ZP3: variants seen among roughly 807,000 people sequenced by gnomAD.
ZP3 encodes zona pellucida sperm-binding protein 3.
A neutral mutation model predicts 35.6 loss-of-function variants in ZP3; 21 were observed. That is an observed-to-expected ratio of 0.59 (90% confidence interval 0.42 to 0.85). The LOEUF (loss-of-function observed/expected upper bound fraction) is 0.85, where lower values mean the gene tolerates loss of function less well. Ranked by LOEUF, ZP3 falls within the 40% of genes least tolerant of loss-of-function variation. ZP3 has a pLI of 0.00. For synonymous variants in ZP3, 207 were observed against 214.5 expected (o/e 0.96, Z 0.31); for missense variants, 437 against 536.5 (o/e 0.81, Z 1.83).
At position 76,425,169 on chromosome 7, in the gene ZP3, G is replaced by A; in HGVS notation, c.205G>A (p.Ala69Thr). 6.2e-7 allele frequency: 1 copy of A among 1,614,014 alleles called. No individual in the cohort carries two copies. Among genetic ancestry groups the A allele is most frequent in the South Asian group, 1.1e-5 (1 of 91,074 alleles). Residue 69 changes from alanine to threonine, a missense_variant, in exon 1 of 8, where the codon GCT (alanine) becomes ACT (threonine). Coordinates refer to ENST00000394857, the MANE Select transcript of ZP3 (RefSeq NM_001110354.2). ...TGGCACCGGGAAGCTCATCAGGGCT[G>A]CTGACCTCACCTTGGGCCCAGAGGC... The part of the protein sequence containing the change: ...LFGTGKLIRA[A>T]DLTLGPEACE...
At chr7:76,424,155 C>G (rs1805586143), upstream of ZP3, among the ~76,000 whole-genome samples, 1 of 152,138 alleles carries the variant, frequency 6.6e-6, no homozygotes, top group Non-Finnish European at 1.5e-5. Context: ...CAATCAAGGG[C>G]TTTCTCCTGT....
intron 1 of ZP3, among the ~76,000 whole-genome samples, chr7:76,414,558 G>A (rs1455927570): frequency 6.6e-6 from 1 of 151,482 alleles, no homozygotes; most frequent in Non-Finnish European, 1.5e-5. Context: ...CTTCTTCAAC[G>A]CTTCCGCTCC....
intron 1 of ZP3, 45 bp downstream of exon 1, chr7:76,425,321 G>A: frequency 6.4e-7 from 1 of 1,561,316 alleles, no homozygotes; most frequent in Non-Finnish European, 8.7e-7. Context: ...GGATGTTCGA[G>A]GCAGCCGGGT....
Position 76,441,986 on chromosome 7 carries a change from T to C in ZP3, c.1205T>C (p.Leu402Pro). 3.2e-6 allele frequency: 4 copies of C among 1,268,072 alleles called. No individual in the cohort carries two copies. Among genetic ancestry groups the C allele is most frequent in the Non-Finnish European group, 4.5e-6 (4 of 880,780 alleles). The allele number at this position is 1,268,072 out of a possible 1,614,324, so 78.6% of individuals were successfully genotyped here. A position where few individuals can be genotyped will look rare whatever the true frequency, so the allele number is the denominator to read the frequency against. The change falls in exon 8 of 8, where the codon CTG becomes CCG. Residue 402 changes from leucine to proline, a missense_variant. Transcript: ENST00000394857. The stretch of plus-strand genomic sequence containing the variant: ...CTGGCTGTGGTGGTGTCCCTGACTC[T>C]GACTGCTGTTATCCTGGTTCTCACC... ...VGLAVVVSLTLTAVILVLTRR... is the reference protein window; with the variant it reads ...VGLAVVVSLTPTAVILVLTRR...
Position 76,425,067 on chromosome 7 carries a change from C to T in ZP3, c.103C>T (p.Pro35Ser). The change falls in exon 1 of 8, where the codon CCT becomes TCT. Residue 35 changes from proline to serine, a missense_variant. By Grantham distance (74) the Pro-to-Ser change is moderately conservative. This residue lies in a region of ZP3 where 352 missense variants were observed against 308.4 expected (regional missense o/e 1.14). Transcript: ENST00000394857. ...LWLLQGGASH[P>S]ETSVQPVLVE... ...GCTCTTGCAGGGTGGAGCCAGCCAT[C>T]CTGAGACGTCCGTACAGCCCGTACT... The T allele has an allele frequency of 3.1e-6, 5 of 1,612,872 alleles. No individual in the cohort carries two copies. The highest frequency in any genetic ancestry group is 1.3e-5 in the African/African-American group (1 of 75,022).
chr7:76,409,982 G>A (rs1805196704), intron 1 of ZP3, among the ~76,000 whole-genome samples: 1 of 152,108 alleles, frequency 6.6e-6, no homozygotes, highest in African/African-American at 2.4e-5. Context: ...CACATAGACA[G>A]GACCTCACAA....
upstream of ZP3, among the ~76,000 whole-genome samples, chr7:76,420,906 C>CGTGT (rs55828330): frequency 1.5e-3 from 212 of 144,594 alleles, 1 homozygote; most frequent in Middle Eastern, 3.6e-3. Flanking sequence ...TATATTTCCA[C>CGTGT]GTGTGTGTGT....
At chr7:76,425,997 C>G (rs945781546) in intron 1 of ZP3, among the ~76,000 whole-genome samples, 23 of 151,422 alleles carry the variant, frequency 1.5e-4, no homozygotes, top group African/African-American at 4.6e-4. Flanking sequence ...GCAGGAGAAT[C>G]GCTTGAACCC....
chr7:76,405,315 A>T (rs1446200293), intron 1 of ZP3, among the ~76,000 whole-genome samples: 315 of 30,374 alleles, frequency 0.01, 33 homozygotes, highest in African/African-American at 0.054. Flanking sequence ...ATATATATAT[A>T]TGTATTTTTT....
intron 1 of ZP3, among the ~76,000 whole-genome samples, chr7:76,417,990 T>C (rs554488409): frequency 6.7e-6 from 1 of 149,156 alleles, no homozygotes; most frequent in South Asian, 2.1e-4. Context: ...CAGGCTGGAG[T>C]ACAATGACAC....
intron 2 of ZP3, among the ~76,000 whole-genome samples, chr7:76,430,508 G>T (rs1247416827): frequency 1.3e-5 from 2 of 152,120 alleles, no homozygotes; most frequent in African/African-American, 2.4e-5. Flanking sequence ...GGCCAAGGTG[G>T]GCAGCTCACG....
intron 3 of ZP3, 86 bp downstream of exon 3, chr7:76,433,116 TGTTTGGTTTTGG>T: frequency 1.7e-6 from 2 of 1,183,246 alleles, no homozygotes; most frequent in Non-Finnish European, 2.4e-6. Context: ...TTTTTTTGTT[TGTTTGGTTTTGG>T]TTTTGGTTGG....
chr7:76,431,061 C>T (rs2115906349), intron 2 of ZP3, among the ~76,000 whole-genome samples: 1 of 152,316 alleles, frequency 6.6e-6, no homozygotes, highest in Non-Finnish European at 1.5e-5. Context: ...CACCCAGGGT[C>T]ACCTGGTGGC....
At chr7:76,417,532 C>T (rs1805406154) in intron 1 of ZP3, among the ~76,000 whole-genome samples, 3 of 152,050 alleles carry the variant, frequency 2.0e-5, no homozygotes, top group South Asian at 2.1e-4. Context: ...ATTTGTGATT[C>T]CTCTTATTTT....
intron 5 of ZP3, among the ~76,000 whole-genome samples, chr7:76,435,283 G>T (rs2115925179): frequency 6.6e-6 from 1 of 152,398 alleles, no homozygotes; most frequent in South Asian, 2.1e-4. Context: ...CTCCCAAGTA[G>T]CTGGGAGTAC....
At chr7:76,405,068 T>G (rs764277235) in intron 1 of ZP3, among the ~76,000 whole-genome samples, 43 of 150,098 alleles carry the variant, frequency 2.9e-4, no homozygotes, top group Non-Finnish European at 5.5e-4. Context: ...AGACTCTGCC[T>G]CAAAAAGAAA....
At chr7:76,426,650 C>A (rs1020604893) in intron 1 of ZP3, among the ~76,000 whole-genome samples, 2 of 151,946 alleles carry the variant, frequency 1.3e-5, no homozygotes, top group African/African-American at 2.4e-5. Context: ...GCCTGGCTCC[C>A]CCCCCTTCTG....
rs932139293 is a variant in ZP3 at position 76,433,396 on chromosome 7, C to T, written c.536-74C>T. On this transcript the variant is annotated intron_variant, in intron 3 of 7. Transcript: ENST00000394857. ...TCTCGAACTCCTGACCTCAGGTGATCCACCTGCCTCAGCCTCCCAAGGTGC... is the reference window on the plus strand; with the variant it reads ...TCTCGAACTCCTGACCTCAGGTGATTCACCTGCCTCAGCCTCCCAAGGTGC... 6.6e-6 allele frequency: 10 copies of T among 1,506,194 alleles called. No individual in the cohort carries two copies. In the African/African-American group the frequency reaches 1.4e-4, roughly 21 times the overall value. 93.3% of individuals were successfully genotyped at this position (1,506,194 alleles called of 1,614,324 possible).
chr7:76,411,230 A>C (rs1020767337), intron 1 of ZP3, among the ~76,000 whole-genome samples: 1 of 151,618 alleles, frequency 6.6e-6, no homozygotes, highest in Non-Finnish European at 1.5e-5. Context: ...CTCCTTCCCA[A>C]TCAGATTTTT....
Sources: gnomAD v4.1 joint callset for allele counts (sites outside exome capture counted in the v4.1 genomes callset) on GRCh38, gnomAD v4.1.1 for gene constraint, gnomAD v4.1.1 regional missense constraint, MANE v1.5 for transcripts, NCBI Gene and HGNC (gene_info 2026-07-23, HGNC 2026-07-21) for gene names.